The following POLR3G variants were observed in gnomAD, a reference collection of about 807,000 sequenced individuals.
POLR3G encodes the protein RNA polymerase III subunit G.
Under a neutral mutation model 30.1 loss-of-function variants are expected in POLR3G, and 28 were observed. The observed-to-expected ratio is 0.93, with a 90% CI of 0.69 to 1.27. The LOEUF (loss-of-function observed/expected upper bound fraction) is 1.27, where lower values mean the gene tolerates loss of function less well. Among genes scored for constraint, POLR3G ranks in the 50% most tolerant of loss-of-function variants. POLR3G has a pLI of 0.00. For synonymous variants in POLR3G, 79 were observed against 82.5 expected, an observed-to-expected ratio of 0.96 and a Z score of 0.23; for missense variants, 254 against 264.6, an observed-to-expected ratio of 0.96 and a Z score of 0.28.
chr5:90,487,062 G>A (rs959514089), intron 2 of POLR3G, among the ~76,000 whole-genome samples: 8 of 151,996 alleles, frequency 5.3e-5, no homozygotes, highest in South Asian at 2.1e-4. Context: ...ACATACAAAC[G>A]CGTATTTGTG....
At chr5:90,498,498 G>A (rs1287444974) in intron 5 of POLR3G, among the ~76,000 whole-genome samples, 6 of 151,892 alleles carry the variant, frequency 4.0e-5, no homozygotes, top group East Asian at 1.9e-4. Context: ...AGTGTTTAGC[G>A]CCCACTTATA....
At chr5:90,480,495 GA>G (rs1252304796) in intron 1 of POLR3G, among the ~76,000 whole-genome samples, 4 of 152,206 alleles carry the variant, frequency 2.6e-5, no homozygotes, top group African/African-American at 9.7e-5. Context: ...TACACCCAAA[GA>G]TTGCTTGATA....
intron 5 of POLR3G, among the ~76,000 whole-genome samples, chr5:90,501,571 T>G (rs929391768): frequency 5.9e-5 from 9 of 152,338 alleles, no homozygotes; most frequent in Middle Eastern, 3.4e-3. Flanking sequence ...AGCCTTTCAC[T>G]ATACTCTTGG....
intron 2 of POLR3G, 138 bp from the exon 3 acceptor site, chr5:90,487,862 C>A: frequency 1.6e-6 from 1 of 622,712 alleles, no homozygotes; most frequent in Non-Finnish European, 2.5e-6. Flanking sequence ...AGAAGTTCAT[C>A]TTTTAAGTTG....
chr5:90,504,569 A>G (rs1457167858), intron 6 of POLR3G, among the ~76,000 whole-genome samples: 1 of 152,104 alleles, frequency 6.6e-6, no homozygotes, highest in Non-Finnish European at 1.5e-5. Flanking sequence ...TCTCAAAAAA[A>G]AAAAAAGTAC....
In POLR3G at chr5:90,513,313, AC is replaced by A. The variant is rs1752822131; in HGVS notation, c.*1176del. ...AATCAGATCCCTAGATTCTATTTCT[AC>A]CTATACTATTAAACTCAACCTTGAA... On this transcript the variant is annotated 3_prime_UTR_variant, in exon 8 of 8. Coordinates refer to ENST00000651687, the MANE Select transcript of POLR3G (RefSeq NM_006467.3). 1 of 152,592 alleles carries A rather than the reference AC, an allele frequency of 6.6e-6. No individual in the cohort carries two copies. Among genetic ancestry groups the A allele is most frequent in the Non-Finnish European group, 1.5e-5 (1 of 67,990 alleles). The allele number at this position is 152,592 out of a possible 1,614,324, so 9.5% of individuals were successfully genotyped here.
upstream of POLR3G, chr5:90,473,986 C>T: frequency 6.3e-7 from 1 of 1,598,718 alleles, no homozygotes; most frequent in Non-Finnish European, 8.5e-7. Context: ...TCGGCCTCGG[C>T]GTGGTGCACT....
intron 3 of POLR3G, among the ~76,000 whole-genome samples, chr5:90,495,090 T>C (rs1394363992): frequency 6.6e-6 from 1 of 152,244 alleles, no homozygotes; most frequent in Non-Finnish European, 1.5e-5. Flanking sequence ...TCTTGGTCTC[T>C]GATCTACTAC....
At chr5:90,502,137 G>A in intron 6 of POLR3G, 149 bp downstream of exon 6, 7 of 1,437,896 alleles carry the variant, frequency 4.9e-6, no homozygotes, top group Non-Finnish European at 6.4e-6. Flanking sequence ...TAACTGGGAA[G>A]GTTTGAACTT....
intron 6 of POLR3G, 132 bp from the exon 7 acceptor site, chr5:90,506,396 T>G: frequency 1.6e-6 from 2 of 1,271,610 alleles, no homozygotes; most frequent in Non-Finnish European, 2.1e-6. Flanking sequence ...CATAGTTTCC[T>G]AGGTGGTAGC....
intron 1 of POLR3G, among the ~76,000 whole-genome samples, chr5:90,484,506 C>T (rs1243045797): frequency 6.6e-6 from 1 of 152,146 alleles, no homozygotes; most frequent in Non-Finnish European, 1.5e-5. Context: ...GTTGGTTTTA[C>T]GTAGTGTTCC....
chr5:90,474,561 C>T (rs1323171389), upstream of POLR3G: 3 of 492,766 alleles, frequency 6.1e-6, no homozygotes, highest in African/African-American at 4.0e-5. Flanking sequence ...CAGGAGCTAC[C>T]GCAGCCTCGG....
intron 3 of POLR3G, among the ~76,000 whole-genome samples, chr5:90,492,819 A>T: frequency 7.8e-6 from 1 of 128,240 alleles, no homozygotes; most frequent in Non-Finnish European, 1.7e-5. Context: ...GAGTGAGCCG[A>T]GATTGTGCCA....
At chr5:90,481,168 T>A (rs569684609) in intron 1 of POLR3G, among the ~76,000 whole-genome samples, 3 of 152,174 alleles carry the variant, frequency 2.0e-5, no homozygotes, top group Non-Finnish European at 2.9e-5. Flanking sequence ...CATCAGTGAC[T>A]GCTAAAATCA....
chr5:90,512,032 G>A, intron 7 of POLR3G, 21 bp from the exon 8 acceptor site: 1 of 1,478,860 alleles, frequency 6.8e-7, no homozygotes, highest in African/African-American at 1.4e-5. Flanking sequence ...CGTTTACAAA[G>A]GAATATATCA....
At chr5:90,506,473 G>A (rs1752488817) in intron 6 of POLR3G, 55 bp from the exon 7 acceptor site, 2 of 1,566,432 alleles carry the variant, frequency 1.3e-6, no homozygotes. Flanking sequence ...GGCTAAGCAG[G>A]GAAGTCAGCA....
At position 90,506,564 on chromosome 5, in the gene POLR3G, G is replaced by A. The variant is rs1427625886; in HGVS notation, c.475G>A (p.Glu159Lys). 3 of 1,613,366 alleles carry A rather than the reference G, an allele frequency of 1.9e-6. No homozygotes were observed. The highest frequency in any genetic ancestry group is 2.5e-6 in the Non-Finnish European group (3 of 1,179,716). ...EKRGDGEKSD[E>K]ENEEKEGSKE... ...AAGAGGTGATGGTGAAAAATCAGATGAGGAAAATGAAGAGAAAGAAGGAAG... is the reference window on the plus strand; with the variant it reads ...AAGAGGTGATGGTGAAAAATCAGATAAGGAAAATGAAGAGAAAGAAGGAAG... Residue 159 changes from glutamate (E) to lysine (K), a missense_variant, in exon 7 of 8, where the codon GAG becomes AAG. By Grantham distance (56) the Glu-to-Lys change is moderately conservative. Coordinates refer to ENST00000651687, the MANE Select transcript of POLR3G (RefSeq NM_006467.3).
At chr5:90,497,785 A>G in intron 5 of POLR3G, 79 bp downstream of exon 5, 6 of 1,488,368 alleles carry the variant, frequency 4.0e-6, no homozygotes, top group Non-Finnish European at 5.4e-6. Context: ...TTGTCAACCC[A>G]AAGTTATACT....
intron 7 of POLR3G, 70 bp from the exon 8 acceptor site, chr5:90,511,983 T>G: frequency 3.8e-6 from 4 of 1,039,960 alleles, no homozygotes; most frequent in South Asian, 1.3e-5. Flanking sequence ...GCAGAGACTT[T>G]TAGGCCTGGA....
Sources: allele counts gnomAD v4.1 joint callset (sites outside exome capture counted in the v4.1 genomes callset), GRCh38; gene constraint gnomAD v4.1.1; transcripts MANE v1.5; gene names NCBI Gene and HGNC (gene_info 2026-07-23, HGNC 2026-07-21).